The following SI variants were observed in gnomAD, a reference collection of about 807,000 sequenced individuals.
SI encodes the protein sucrase-isomaltase.
A neutral mutation model predicts 253.3 loss-of-function variants in SI; 235 were observed. That is an observed-to-expected ratio of 0.93 (90% confidence interval 0.83 to 1.03). SI has a LOEUF of 1.03. SI is among the 50% of genes least tolerant of loss of function. The pLI, the probability that SI is intolerant of heterozygous loss-of-function variation, is 0.00. For missense variants in SI, 2,442 were observed against 2,211.1 expected (o/e 1.10, Z -2.09); for synonymous variants, 819 against 712.0 (o/e 1.15, Z -2.39).
rs554037756 is a variant in SI, at chr3:165,024,484, G to A, written c.2893-708C>T. Among the ~76,000 whole-genome samples, 8 of 151,182 alleles carry A rather than the reference G, an allele frequency of 5.3e-5. No homozygotes were observed. In the South Asian group the frequency reaches 1.7e-3, roughly 31 times the overall value. ...CAATTTCCTTTTAAAGAAGTTGTGT[G>A]AGTCCTCATAAAAGCTCTTTAAAAG... On this transcript the variant is annotated intron_variant, in intron 25 of 47. Transcript: ENST00000264382.
upstream of SI, among the ~76,000 whole-genome samples, chr3:165,079,808 T>G (rs1195855414): frequency 1.3e-5 from 2 of 151,770 alleles, no homozygotes; most frequent in Non-Finnish European, 2.9e-5. Flanking sequence ...GACAGAGATA[T>G]AAGTTGATAG....
intron 33 of SI, 57 bp from the exon 34 acceptor site, chr3:165,013,099 G>GA: frequency 9.4e-7 from 1 of 1,062,262 alleles, no homozygotes; most frequent in Non-Finnish European, 1.5e-6. Flanking sequence ...TGATATGATT[G>GA]CTATGTAGAT....
chr3:165,058,977 G>T lies in SI; in HGVS notation c.1384C>A (p.Pro462Thr), dbSNP rs769345842. Residue 462 changes from proline to threonine, a missense_variant, in exon 12 of 48, where the codon CCA (proline) becomes ACA (threonine). Pro to Thr is a conservative substitution (Grantham distance 38). Coordinates refer to ENST00000264382, the MANE Select transcript of SI (RefSeq NM_001041.4). ...TCATATTTTACCTCTCCAATAATTG[G>T]TGTACTTCCATCTGACTCATTTATC... Reference protein sequence around the residue: ...VWINESDGSTPIIGEVWPGLT... With the variant: ...VWINESDGSTTIIGEVWPGLT... 4 of 1,610,548 alleles carry T rather than the reference G, an allele frequency of 2.5e-6. No individual in the cohort carries two copies. Among genetic ancestry groups the T allele is most frequent in the Non-Finnish European group, 3.4e-6 (4 of 1,177,568 alleles).
intron 26 of SI, among the ~76,000 whole-genome samples, chr3:165,022,582 C>A (rs1390141945): frequency 1.4e-5 from 2 of 141,274 alleles, no homozygotes; most frequent in Non-Finnish European, 3.1e-5. Flanking sequence ...ATCTTCTATG[C>A]TTTTGTGCCA....
chr3:164,995,904 A>G (rs1018406845), intron 40 of SI, among the ~76,000 whole-genome samples: 3 of 151,846 alleles, frequency 2.0e-5, no homozygotes, highest in African/African-American at 7.2e-5. Context: ...TATATTCTCA[A>G]TAATGAATCT....
In SI at chr3:165,041,104, A is replaced by G; in HGVS notation, c.2005-10T>C. 4.3e-6 allele frequency: 7 copies of G among 1,611,814 alleles called. No individual in the cohort carries two copies. Among genetic ancestry groups the G allele is most frequent in the Non-Finnish European group, 5.9e-6 (7 of 1,178,434 alleles). On this transcript the variant is annotated splice_polypyrimidine_tract_variant and intron_variant, in intron 17 of 47. Transcript: ENST00000264382. ...ATGCAGGATCCTGATGCTGTGAGAT[A>G]GAAAGAGAAATTAAAATAAGAAAGC...
intron 40 of SI, 62 bp from the exon 41 acceptor site, chr3:164,994,467 T>C (rs936377490): frequency 2.5e-5 from 38 of 1,541,670 alleles, no homozygotes; most frequent in Non-Finnish European, 3.2e-5. Flanking sequence ...ATAATATTCA[T>C]ATTCATATTT....
chr3:165,023,682 G>C lies in SI; in HGVS notation c.2987C>G (p.Thr996Arg), dbSNP rs1559994104. Residue 996 changes from threonine (T) to arginine (R), a missense_variant, in exon 26 of 48, where the codon ACA becomes AGA. Transcript: ENST00000264382. The stretch of plus-strand genomic sequence containing the variant: ...TGCAGTATTTAGTTGGAGGTCAGCT[G>C]TTATACCCATGGATGAATAGCGAGC... ...NSARYSSMGI[T>R]ADLQLNTANA... 1 of 1,610,762 alleles carries C rather than the reference G, an allele frequency of 6.2e-7. No individual in the cohort carries two copies. Among genetic ancestry groups the C allele is most frequent in the Non-Finnish European group, 8.5e-7 (1 of 1,177,798 alleles).
In SI at chr3:165,023,757, G is replaced by C; in HGVS notation, c.2912C>G (p.Ala971Gly). Residue 971 changes from alanine (A) to glycine (G), a missense_variant, in exon 26 of 48, where the codon GCA becomes GGA. By Grantham distance (60) the Ala-to-Gly change is moderately conservative. Coordinates refer to ENST00000264382, the MANE Select transcript of SI (RefSeq NM_001041.4). ...VWRTGSSLSK[A>G]PECYFPRQDN... Reference sequence around the variant, plus strand: ...TTGTCTGGGAAAGTAACACTCAGGTGCTTTGGATAGAGAAGAACCCTAAAA... The same window carrying C: ...TTGTCTGGGAAAGTAACACTCAGGTCCTTTGGATAGAGAAGAACCCTAAAA... 1 of 1,609,768 alleles carries C rather than the reference G, an allele frequency of 6.2e-7. No individual in the cohort carries two copies. Among genetic ancestry groups the C allele is most frequent in the Non-Finnish European group, 8.5e-7 (1 of 1,177,104 alleles).
At chr3:164,988,219 G>A (rs1576868066) in intron 44 of SI, among the ~76,000 whole-genome samples, 1 of 152,060 alleles carries the variant, frequency 6.6e-6, no homozygotes, top group Non-Finnish European at 1.5e-5. Flanking sequence ...GTACAGCCAC[G>A]GAAGTCTCCT....
At chr3:164,983,847 C>G (rs951301851) in intron 45 of SI, among the ~76,000 whole-genome samples, 8 of 151,978 alleles carry the variant, frequency 5.3e-5, no homozygotes, top group Non-Finnish European at 2.9e-5. Flanking sequence ...TCTGCCTTAG[C>G]CTCCCAAAGA....
intron 7 of SI, among the ~76,000 whole-genome samples, chr3:165,063,941 G>C (rs960438010): frequency 6.6e-6 from 1 of 151,030 alleles, no homozygotes; most frequent in South Asian, 2.1e-4. Flanking sequence ...GTGGTGACAC[G>C]CACCTGTAAT....
At chr3:165,063,669 G>A (rs1046088316) in intron 7 of SI, 128 bp from the exon 8 acceptor site, 3 of 537,850 alleles carry the variant, frequency 5.6e-6, no homozygotes, top group Non-Finnish European at 3.4e-6. Flanking sequence ...TACACAAATT[G>A]TCTTCACTAT....
intron 34 of SI, among the ~76,000 whole-genome samples, chr3:165,011,727 TATC>T (rs1361679901): frequency 6.8e-6 from 1 of 146,000 alleles, no homozygotes; most frequent in African/African-American, 2.5e-5. Context: ...ATTTATGTAT[TATC>T]ATTTATTATT....
chr3:165,055,341 A>G (rs1357580325), intron 12 of SI, 34 bp from the exon 13 acceptor site: 2 of 1,066,936 alleles, frequency 1.9e-6, no homozygotes, highest in Admixed American at 3.5e-5. Flanking sequence ...ATATACATAA[A>G]AAATAGAAAA....
chr3:165,037,998 T>G lies in SI; in HGVS notation c.2328A>C (p.Gln776His), dbSNP rs1008593221. Residue 776 changes from glutamine (Q) to histidine (H), a missense_variant, in exon 21 of 48, where the codon CAA (glutamine) becomes CAC (histidine). Transcript: ENST00000264382. Reference sequence around the variant, plus strand: ...CTGCTGGAAGATACATATCAACCCGTTGTTTCCTCCATGGCCTTTTTGCAC... The same window carrying G: ...CTGCTGGAAGATACATATCAACCCGGTGTTTCCTCCATGGCCTTTTTGCAC... Reference protein sequence around the residue: ...ESGAKRPWRKQRVDMYLPADK... With the variant: ...ESGAKRPWRKHRVDMYLPADK... 6.2e-7 allele frequency: 1 copy of G among 1,604,510 alleles called. No individual in the cohort carries two copies. The highest frequency in any genetic ancestry group is 8.5e-7 in the Non-Finnish European group (1 of 1,172,022).
At chr3:165,048,505 T>C (rs931047527) in intron 15 of SI, among the ~76,000 whole-genome samples, 1 of 148,796 alleles carries the variant, frequency 6.7e-6, no homozygotes, top group Admixed American at 6.8e-5. Flanking sequence ...TTTTGAAGGA[T>C]AATTTAAATC....
In SI at chr3:165,023,550, G is replaced by T. The variant is rs763373058; in HGVS notation, c.3099+20C>A. Reference sequence around the variant, plus strand: ...CTCACAAGATGAGTTAAGCTTTGGGGTAGTTTATATCAAGCATACCTTAAA... The same window carrying T: ...CTCACAAGATGAGTTAAGCTTTGGGTTAGTTTATATCAAGCATACCTTAAA... On this transcript the variant is annotated intron_variant, in intron 26 of 47. Transcript: ENST00000264382. 3.8e-5 allele frequency: 59 copies of T among 1,543,862 alleles called. No homozygotes were observed. The Middle Eastern group carries it at 8.5e-4, about 22-fold the overall frequency.
chr3:165,068,914 A>C, intron 4 of SI, 83 bp from the exon 5 acceptor site: 1 of 1,038,518 alleles, frequency 9.6e-7, no homozygotes, highest in South Asian at 1.3e-5. Flanking sequence ...TATTGTATTT[A>C]CCACAAATGA....
Sources: gnomAD v4.1 joint callset for allele counts (sites outside exome capture counted in the v4.1 genomes callset) on GRCh38, gnomAD v4.1.1 for gene constraint, MANE v1.5 for transcripts, NCBI Gene and HGNC (gene_info 2026-07-23, HGNC 2026-07-21) for gene names.